Variants in TAF8 observed in about 807,000 individuals in gnomAD.
TAF8 encodes the protein transcription initiation factor TFIID subunit 8.
A neutral mutation model predicts 36.5 loss-of-function variants in TAF8; 47 were observed. The ratio of observed to expected loss-of-function variants is 1.29; its 90% CI spans 1.02 to 1.64. TAF8 has a LOEUF of 1.64. Among genes scored for constraint, TAF8 ranks in the 40% most tolerant of loss-of-function variants. The probability of loss-of-function intolerance (pLI) is 0.00; values close to 1 mark genes in which losing one functional copy is unlikely to be tolerated. For synonymous variants in TAF8, 175 were observed against 159.5 expected, an observed-to-expected ratio of 1.10 and a Z score of -0.73; for missense variants, 420 against 407.6, an observed-to-expected ratio of 1.03 and a Z score of -0.26.
chr6:42,084,257 AG>A (rs1280389696), downstream of TAF8, among the ~76,000 whole-genome samples: 1 of 151,246 alleles, frequency 6.6e-6, no homozygotes, highest in Non-Finnish European at 1.5e-5. Flanking sequence ...TTGATCCCAT[AG>A]GGGTCAGAAG....
chr6:42,068,501 CA>C lies in TAF8; in HGVS notation c.675del (p.Ala226LeufsTer73). ...AGACCTTTCACCATCCCCTACCTGA[CA>C]GCTCTTCTTCCGTCTGAACTGGAGA... Reference protein sequence around the residue: ...AARPFTIPYLTALLPSELEMQ... With the variant: ...AARPFTIPYLXALLPSELEMQ... On this transcript the variant is annotated frameshift_variant, in exon 7 of 9. Transcript: ENST00000372977. LOFTEE classifies it high-confidence loss of function. 1 of 1,614,172 alleles carries C rather than the reference CA, an allele frequency of 6.2e-7. No homozygotes were observed. Among genetic ancestry groups the C allele is most frequent in the Non-Finnish European group, 8.5e-7 (1 of 1,180,036 alleles).
Position 42,051,462 on chromosome 6 carries a change from G to GA in TAF8, c.152dup (p.Ser52GlufsTer30). ...CTCCTTGCTGACAGAGGCAGGGTTT[G>GA]AGAGTGCCGAGAAAGCATCCGTGGA... On this transcript the variant is annotated frameshift_variant, in exon 2 of 9. Coordinates refer to ENST00000372977, the MANE Select transcript of TAF8 (RefSeq NM_138572.3). LOFTEE classifies it high-confidence loss of function. 6.2e-7 allele frequency: 1 copy of GA among 1,614,120 alleles called. No homozygotes were observed. Among genetic ancestry groups the GA allele is most frequent in the Non-Finnish European group, 8.5e-7 (1 of 1,180,016 alleles).
chr6:42,061,398 T>C (rs1240354607), intron 5 of TAF8, among the ~76,000 whole-genome samples: 1 of 152,220 alleles, frequency 6.6e-6, no homozygotes, highest in African/African-American at 2.4e-5. Flanking sequence ...TCTATTCTAA[T>C]GTCACAATCT....
In TAF8 at chr6:42,077,243, A is replaced by T; in HGVS notation, c.920+4A>T. The T allele has an allele frequency of 6.2e-7, 1 of 1,611,126 alleles. No homozygotes were observed. ...AGCCCAAGATCCGCAGGAAGAAGTG[A>T]GTTGGAGGCTGGGGTCCAGAGAGCC... On this transcript the variant is annotated splice_donor_region_variant and intron_variant, in intron 8 of 8. Transcript: ENST00000372977.
Position 42,057,531 on chromosome 6 carries a change from G to A in TAF8, c.489+18G>A. The A allele has an allele frequency of 6.2e-7, 1 of 1,613,926 alleles. No homozygotes were observed. The highest frequency in any genetic ancestry group is 2.2e-5 in the East Asian group (1 of 44,870). On this transcript the variant is annotated intron_variant, in intron 5 of 8. Transcript: ENST00000372977. ...AAACTCCGGTGAGTGATGAAGCACT[G>A]GGACTGCGCGTGGTGTAAAGCACGG...
rs771108458 is a variant in TAF8, at chr6:42,066,277, G to A, written c.490-35G>A. ...CTGATGAAAGCAGAATGATACTTCG[G>A]CATCACCCCAGTGTCTTTGCTGCTC... is the stretch of plus-strand genomic sequence containing the variant. On this transcript the variant is annotated intron_variant, in intron 5 of 8. Transcript: ENST00000372977. 3.1e-6 allele frequency: 5 copies of A among 1,609,484 alleles called. No individual in the cohort carries two copies. In the African/African-American group the frequency reaches 5.3e-5, roughly 17 times the overall value.
In TAF8 at chr6:42,057,373, T is replaced by G; in HGVS notation, c.365-16T>G. The G allele has an allele frequency of 6.2e-7, 1 of 1,613,936 alleles. No homozygotes were observed. The highest frequency in any genetic ancestry group is 8.5e-7 in the Non-Finnish European group (1 of 1,179,992). On this transcript the variant is annotated splice_polypyrimidine_tract_variant and intron_variant, in intron 4 of 8. Coordinates refer to ENST00000372977, the MANE Select transcript of TAF8 (RefSeq NM_138572.3). Reference sequence around the variant, plus strand: ...GGTCTTGGGTGGAGGGGTAATCAGTTGTGACTCTGTTGCAGCTCCGGTGAC... The same window carrying G: ...GGTCTTGGGTGGAGGGGTAATCAGTGGTGACTCTGTTGCAGCTCCGGTGAC...
chr6:42,078,507 C>T lies in TAF8; in HGVS notation c.*962C>T, dbSNP rs940433874. ...TGAAAAGTTCTTTGTACTCCCTCAA[C>T]GTGTCGGAAACAGGAGGCCACACAG... is the stretch of plus-strand genomic sequence containing the variant. On this transcript the variant is annotated 3_prime_UTR_variant, in exon 9 of 9. Transcript: ENST00000372977. 1.8e-5 allele frequency: 18 copies of T among 985,404 alleles called. No homozygotes were observed. Among genetic ancestry groups the T allele is most frequent in the South Asian group, 1.4e-4 (3 of 21,284 alleles). 61.0% of individuals were successfully genotyped at this position (985,404 alleles called of 1,614,324 possible).
In TAF8 at chr6:42,080,284, C is replaced by G. The variant is rs191651610; in HGVS notation, c.*2739C>G. 9 of 986,382 alleles carry G rather than the reference C, an allele frequency of 9.1e-6. No individual in the cohort carries two copies. The Admixed American group carries it at 5.5e-4, about 61-fold the overall frequency. 61.1% of individuals were successfully genotyped at this position (986,382 alleles called of 1,614,324 possible). A position where few individuals can be genotyped will look rare whatever the true frequency, so the allele number is the denominator to read the frequency against. On this transcript the variant is annotated 3_prime_UTR_variant, in exon 9 of 9. Transcript: ENST00000372977. ...ATCCAGTGTAAGCACCTGTTGAATG[C>G]AGATGTGCTGAGTTAGAGGTGGGAT...
intron 3 of TAF8, 85 bp from the exon 4 acceptor site, chr6:42,055,867 A>T: frequency 1.0e-6 from 1 of 969,162 alleles, no homozygotes; most frequent in Non-Finnish European, 1.7e-6. Context: ...TTGAGAGTTT[A>T]AGCCATTTGT....
intron 1 of TAF8, 99 bp downstream of exon 1, chr6:42,050,685 C>A: frequency 7.3e-7 from 1 of 1,367,582 alleles, no homozygotes; most frequent in Non-Finnish European, 9.8e-7. Context: ...AATTCAGCCC[C>A]ATCATGAGCT....
intron 1 of TAF8, 56 bp downstream of exon 1, chr6:42,050,642 T>C (rs1764734972): frequency 6.7e-7 from 1 of 1,502,722 alleles, no homozygotes; most frequent in Non-Finnish European, 8.9e-7. Flanking sequence ...CCTGCAACTT[T>C]CCCCTCGACT....
intron 6 of TAF8, 38 bp from the exon 7 acceptor site, chr6:42,068,427 T>C (rs373693995): frequency 1.2e-6 from 2 of 1,612,662 alleles, no homozygotes; most frequent in African/African-American, 1.3e-5. Context: ...GCGAGGTCTC[T>C]GTGACAGTGG....
At position 42,053,298 on chromosome 6, in the gene TAF8, C is replaced by T. The variant is rs1280043304; in HGVS notation, c.202+1785C>T. 2.8e-4 allele frequency among the ~76,000 whole-genome samples: 42 copies of T among 152,142 alleles called. 1 individual carries two copies. ...AATTTTGGGTCTAGGTGTGGTGGCT[C>T]ACGCCTGTAATCCCAGCACTTTGGG... On this transcript the variant is annotated intron_variant, in intron 2 of 8. Transcript: ENST00000372977.
chr6:42,065,287 A>T (rs1026542693), intron 5 of TAF8, among the ~76,000 whole-genome samples: 2 of 150,516 alleles, frequency 1.3e-5, no homozygotes, highest in African/African-American at 4.9e-5. Flanking sequence ...TGGAGGTTGC[A>T]GTGAGCTGAG....
At position 42,060,471 on chromosome 6, in the gene TAF8, A is replaced by G. The variant is rs184954874; in HGVS notation, c.489+2958A>G. ...AGAACTCTGTTCCATGAAGAATCTC[A>G]GATAAGACTTTTTAAAAGCCGAGCC... is the stretch of plus-strand genomic sequence containing the variant. On this transcript the variant is annotated intron_variant, in intron 5 of 8. Coordinates refer to ENST00000372977, the MANE Select transcript of TAF8 (RefSeq NM_138572.3). Among the ~76,000 whole-genome samples, 4 of 152,326 alleles carry G rather than the reference A, an allele frequency of 2.6e-5. No individual in the cohort carries two copies. In the East Asian group the frequency reaches 7.7e-4, roughly 29 times the overall value.
In TAF8 at chr6:42,080,733, A is replaced by G; in HGVS notation, c.*3188A>G. On this transcript the variant is annotated 3_prime_UTR_variant, in exon 9 of 9. Coordinates refer to ENST00000372977, the MANE Select transcript of TAF8 (RefSeq NM_138572.3). ...AGGGGAGACAGGGAAAGGGTTAGACAACTTGAAACATTGACCCTGTATAAA... is the reference window on the plus strand; with the variant it reads ...AGGGGAGACAGGGAAAGGGTTAGACGACTTGAAACATTGACCCTGTATAAA... The G allele has an allele frequency of 3.0e-6, 3 of 985,306 alleles. No individual in the cohort carries two copies. Among genetic ancestry groups the G allele is most frequent in the Non-Finnish European group, 3.6e-6 (3 of 829,860 alleles). The allele number at this position is 985,306 out of a possible 1,614,324, so 61.0% of individuals were successfully genotyped here. A position where few individuals can be genotyped will look rare whatever the true frequency, so the allele number is the denominator to read the frequency against.
chr6:42,086,699 T>C, downstream of TAF8: 2 of 1,551,176 alleles, frequency 1.3e-6, no homozygotes, highest in Non-Finnish European at 1.7e-6. Context: ...AAGCGGTTTT[T>C]TTCACCCTAC....
At chr6:42,052,104 AT>A (rs1411172280) in intron 2 of TAF8, among the ~76,000 whole-genome samples, 2 of 152,184 alleles carry the variant, frequency 1.3e-5, no homozygotes, top group Non-Finnish European at 2.9e-5. Context: ...CATTTCTGAA[AT>A]GGGATAACAG....
Sources: allele counts gnomAD v4.1 joint callset (sites outside exome capture counted in the v4.1 genomes callset), GRCh38; gene constraint gnomAD v4.1.1; transcripts MANE v1.5; gene names NCBI Gene and HGNC (gene_info 2026-07-23, HGNC 2026-07-21).